TBC1D22A: variants seen among roughly 807,000 people sequenced by gnomAD.
TBC1D22A encodes the protein TBC1 domain family member 22A.
Under a neutral mutation model 60.2 loss-of-function variants are expected in TBC1D22A, and 38 were observed. The observed-to-expected ratio is 0.63, with a 90% CI of 0.49 to 0.83. The LOEUF (loss-of-function observed/expected upper bound fraction) is 0.83, where lower values mean the gene tolerates loss of function less well. Among genes scored for constraint, TBC1D22A ranks in the 40% least tolerant of loss-of-function variants. The pLI is 0.00. For missense variants in TBC1D22A, 628 were observed against 701.0 expected, an observed-to-expected ratio of 0.90 and a Z score of 1.18; for synonymous variants, 302 against 281.7, an observed-to-expected ratio of 1.07 and a Z score of -0.72.
At position 46,886,048 on chromosome 22, in the gene TBC1D22A, C is replaced by T. The variant is rs996709098; in HGVS notation, c.709-5218C>T. On this transcript the variant is annotated intron_variant, in intron 5 of 12. Coordinates refer to ENST00000337137, the MANE Select transcript of TBC1D22A (RefSeq NM_014346.5). Reference sequence around the variant, plus strand: ...ACAGCTTCCCGAGTAGCTGGGACTACAGGCGCCTGCCACCACGCCTGGCTA... The same window carrying T: ...ACAGCTTCCCGAGTAGCTGGGACTATAGGCGCCTGCCACCACGCCTGGCTA... Among the ~76,000 whole-genome samples the T allele has an allele frequency of 8.6e-5, 13 of 151,864 alleles. 1 individual carries two copies. The highest frequency in any genetic ancestry group is 2.9e-4 in the African/African-American group (12 of 41,334).
intron 1 of TBC1D22A, among the ~76,000 whole-genome samples, chr22:46,780,439 T>TG (rs1555888034): frequency 1.5e-3 from 218 of 145,424 alleles, no homozygotes; most frequent in African/African-American, 5.2e-3. Flanking sequence ...AACCTTCAAT[T>TG]AAAAAAAAAA....
intron 11 of TBC1D22A, among the ~76,000 whole-genome samples, chr22:47,105,248 T>A (rs1041072739): frequency 2.0e-5 from 3 of 151,234 alleles, no homozygotes; most frequent in Admixed American, 6.6e-5. Flanking sequence ...AAAAAAAAAA[T>A]AATAGGGCAG....
intron 8 of TBC1D22A, among the ~76,000 whole-genome samples, chr22:46,930,872 C>G (rs148844157): frequency 2.4e-3 from 370 of 152,268 alleles, no homozygotes; most frequent in African/African-American, 8.7e-3. Flanking sequence ...TCCTTCCTGC[C>G]TTTCTACCTT....
At chr22:47,151,046 G>A (rs1184719762) in intron 12 of TBC1D22A, among the ~76,000 whole-genome samples, 1 of 152,118 alleles carries the variant, frequency 6.6e-6, no homozygotes, top group Non-Finnish European at 1.5e-5. Context: ...GAGAGGATGT[G>A]GGATCCGCTG....
intron 5 of TBC1D22A, among the ~76,000 whole-genome samples, chr22:46,882,241 C>G (rs1287823106): frequency 6.6e-6 from 1 of 152,210 alleles, no homozygotes; most frequent in Non-Finnish European, 1.5e-5. Context: ...GTGAACCATG[C>G]AGTCCACAGA....
In TBC1D22A at chr22:46,990,851, C is replaced by G. The variant is rs751076139; in HGVS notation, c.1126-6783C>G. On this transcript the variant is annotated intron_variant, in intron 9 of 12. Coordinates refer to ENST00000337137, the MANE Select transcript of TBC1D22A (RefSeq NM_014346.5). This position sits in a 1 kb window ranked among gnomAD's most constrained non-coding sequence, Gnocchi z 4.6. ...CGGCTCTGCTCCTCGCCGTGTGCGT[C>G]TGGAAGTGACCATGGATGGCCTCCT... Among the ~76,000 whole-genome samples, 3 of 152,228 alleles carry G rather than the reference C, an allele frequency of 2.0e-5. No individual in the cohort carries two copies. Among genetic ancestry groups the G allele is most frequent in the Admixed American group, 6.5e-5 (1 of 15,284 alleles).
At chr22:46,944,554 A>T (rs977647472) in intron 8 of TBC1D22A, among the ~76,000 whole-genome samples, 1 of 152,082 alleles carries the variant, frequency 6.6e-6, no homozygotes, top group African/African-American at 2.4e-5. Context: ...GCCCGCCACC[A>T]TGCCCGGCTA....
At chr22:47,103,162 A>AT (rs2065487341) in intron 11 of TBC1D22A, among the ~76,000 whole-genome samples, 1 of 151,896 alleles carries the variant, frequency 6.6e-6, no homozygotes, top group Admixed American at 6.5e-5. Context: ...AAGGTGGTGG[A>AT]TTTGGGGGTG....
At chr22:46,946,994 C>T (rs961574492) in intron 8 of TBC1D22A, among the ~76,000 whole-genome samples, 5 of 152,102 alleles carry the variant, frequency 3.3e-5, no homozygotes, top group African/African-American at 1.2e-4. Context: ...GAATATTGAG[C>T]CGTGGCCTTC....
intron 9 of TBC1D22A, among the ~76,000 whole-genome samples, chr22:46,991,438 G>C (rs1414867464): frequency 6.6e-6 from 1 of 152,204 alleles, no homozygotes; most frequent in Non-Finnish European, 1.5e-5. Flanking sequence ...GCTGCCTGCA[G>C]TGCCAGCCGG....
chr22:46,809,243 G>A (rs866411919), intron 4 of TBC1D22A, among the ~76,000 whole-genome samples: 3 of 152,160 alleles, frequency 2.0e-5, no homozygotes, highest in Admixed American at 1.3e-4. Flanking sequence ...CATTTCTTCT[G>A]TGCATGTGTG....
chr22:46,796,387 C>T (rs1035479189), intron 3 of TBC1D22A, among the ~76,000 whole-genome samples: 1 of 152,154 alleles, frequency 6.6e-6, no homozygotes, highest in African/African-American at 2.4e-5. Flanking sequence ...CGGGGGAGTG[C>T]GGCTCCTACC....
At chr22:47,078,638 G>A (rs868036377) in intron 11 of TBC1D22A, among the ~76,000 whole-genome samples, 1 of 152,346 alleles carries the variant, frequency 6.6e-6, no homozygotes, top group Middle Eastern at 3.4e-3. Context: ...TCTTACCATC[G>A]AGGTTTAGGG....
intron 8 of TBC1D22A, among the ~76,000 whole-genome samples, chr22:46,918,013 A>C (rs779175238): frequency 1.3e-5 from 2 of 152,198 alleles, no homozygotes; most frequent in Non-Finnish European, 2.9e-5. Flanking sequence ...GAAGAGCTGC[A>C]GGCGGCCTTG....
chr22:46,884,799 G>C (rs1200829563), intron 5 of TBC1D22A, among the ~76,000 whole-genome samples: 1 of 152,218 alleles, frequency 6.6e-6, no homozygotes, highest in African/African-American at 2.4e-5. Flanking sequence ...CAGAGGAAGA[G>C]TAAGTTCAGA....
intron 8 of TBC1D22A, among the ~76,000 whole-genome samples, chr22:46,965,934 A>G (rs1475824746): frequency 6.6e-6 from 1 of 152,148 alleles, no homozygotes; most frequent in Non-Finnish European, 1.5e-5. Flanking sequence ...CGCTGGCTTC[A>G]TCACGTCCCT....
At chr22:46,793,131 C>T (rs1447715963) in intron 2 of TBC1D22A, among the ~76,000 whole-genome samples, 1 of 152,264 alleles carries the variant, frequency 6.6e-6, no homozygotes. Flanking sequence ...CACAGGCCTG[C>T]ACCCTGCACA....
Position 47,084,524 on chromosome 22 carries a change from C to T in TBC1D22A, c.1330-26984C>T, listed in dbSNP as rs540066519. ...GAGCCCTCCAGGTGGTTCTGGAGCA[C>T]GCAGCAGTTGAGAGCCACTGCTCTA... On this transcript the variant is annotated intron_variant, in intron 11 of 12. Transcript: ENST00000337137. Among the ~76,000 whole-genome samples the T allele has an allele frequency of 3.6e-3, 549 of 152,284 alleles. 4 individuals carry two copies. The highest frequency in any genetic ancestry group is 0.017 in the Middle Eastern group (5 of 294).
chr22:47,056,281 C>T (rs1351322630), intron 11 of TBC1D22A, among the ~76,000 whole-genome samples: 1 of 152,014 alleles, frequency 6.6e-6, no homozygotes, highest in Non-Finnish European at 1.5e-5. Flanking sequence ...ATGTAAAGTT[C>T]TGCTTGCTGT....
Sources: gnomAD v4.1 joint callset for allele counts (sites outside exome capture counted in the v4.1 genomes callset) on GRCh38, gnomAD v4.1.1 for gene constraint, Gnocchi (gnomAD v3.1) non-coding constraint, MANE v1.5 for transcripts, NCBI Gene and HGNC (gene_info 2026-07-23, HGNC 2026-07-21) for gene names.